NKAIN2: variants seen among roughly 807,000 people sequenced by gnomAD.
The protein encoded by NKAIN2 is sodium/potassium transporting ATPase interacting 2, also known as sodium/potassium-transporting ATPase subunit beta-1-interacting protein 2.
In NKAIN2, 14 loss-of-function variants were observed where a neutral mutation model predicts 32.6. The ratio of observed to expected loss-of-function variants is 0.43; its 90% CI spans 0.28 to 0.67. The LOEUF is 0.67. Ranked by LOEUF, NKAIN2 falls within the 30% of genes least tolerant of loss-of-function variation. The pLI, the probability that NKAIN2 is intolerant of heterozygous loss-of-function variation, is 0.17. For synonymous variants in NKAIN2, 80 were observed against 87.2 expected, an observed-to-expected ratio of 0.92 and a Z score of 0.46; for missense variants, 198 against 258.3, an observed-to-expected ratio of 0.77 and a Z score of 1.60.
chr6:123,979,375 A>G (rs945260579), intron 1 of NKAIN2, among the ~76,000 whole-genome samples: 3 of 152,180 alleles, frequency 2.0e-5, no homozygotes, highest in African/African-American at 7.2e-5. Flanking sequence ...AAGGATGTGC[A>G]CAAACATTGT....
intron 4 of NKAIN2, among the ~76,000 whole-genome samples, chr6:124,727,180 AC>A (rs1776371532): frequency 6.6e-6 from 1 of 151,062 alleles, no homozygotes; most frequent in African/African-American, 2.4e-5. Flanking sequence ...AGGCAGGCCA[AC>A]GTTCAGATTC....
chr6:124,617,883 T>A (rs376633620), intron 3 of NKAIN2, among the ~76,000 whole-genome samples: 151 of 152,328 alleles, frequency 9.9e-4, no homozygotes, highest in African/African-American at 3.6e-3. Context: ...AATAACCAGT[T>A]GAATCTAGAC....
At chr6:123,894,820 G>T (rs1240206193) in intron 1 of NKAIN2, among the ~76,000 whole-genome samples, 5 of 152,068 alleles carry the variant, frequency 3.3e-5, no homozygotes, top group Non-Finnish European at 7.4e-5. Flanking sequence ...GCAATCAAAA[G>T]CCATGGCAAC....
At chr6:124,398,094 C>T (rs371457) in intron 3 of NKAIN2, among the ~76,000 whole-genome samples, 1 of 151,024 alleles carries the variant, frequency 6.6e-6, no homozygotes, top group African/African-American at 2.4e-5. Context: ...TGTACTAAAA[C>T]TACAAAAAAT....
chr6:124,397,108 A>G (rs1003070616), intron 3 of NKAIN2, among the ~76,000 whole-genome samples: 3 of 152,226 alleles, frequency 2.0e-5, no homozygotes, highest in African/African-American at 7.2e-5. Flanking sequence ...CATATCTCTG[A>G]TATAATTATT....
At position 124,726,012 on chromosome 6, in the gene NKAIN2, C is replaced by T. The variant is rs184301678; in HGVS notation, c.475-65327C>T. Among the ~76,000 whole-genome samples, 87 of 152,322 alleles carry T rather than the reference C, an allele frequency of 5.7e-4. 2 individuals carry two copies. In the East Asian group the frequency reaches 0.013, roughly 22 times the overall value. On this transcript the variant is annotated intron_variant, in intron 4 of 6. Coordinates refer to ENST00000368417, the MANE Select transcript of NKAIN2 (RefSeq NM_001040214.3). ...GCGCTTTTCCGACGGGCTTAAAAAA[C>T]GGCACACCACCAGATTATATCCTGC...
chr6:124,226,260 T>G (rs1294736205), intron 1 of NKAIN2, among the ~76,000 whole-genome samples: 1 of 152,092 alleles, frequency 6.6e-6, no homozygotes, highest in African/African-American at 2.4e-5. Context: ...CTTCTTATGC[T>G]TGGATATATT....
At chr6:124,349,927 C>T (rs1320282562) in intron 2 of NKAIN2, among the ~76,000 whole-genome samples, 6 of 152,296 alleles carry the variant, frequency 3.9e-5, no homozygotes, top group African/African-American at 1.4e-4. Flanking sequence ...GATGGTTCAC[C>T]TGGTGCTTCA....
intron 1 of NKAIN2, among the ~76,000 whole-genome samples, chr6:124,018,672 G>A (rs1582938176): frequency 1.3e-5 from 2 of 152,100 alleles, no homozygotes; most frequent in Non-Finnish European, 2.9e-5. Context: ...TCCATCTGAG[G>A]CACCTCAACC....
At chr6:124,389,208 A>G (rs1773039534) in intron 3 of NKAIN2, among the ~76,000 whole-genome samples, 1 of 152,094 alleles carries the variant, frequency 6.6e-6, no homozygotes, top group African/African-American at 2.4e-5. Context: ...TATACACAAC[A>G]TTATTGGAAT....
At chr6:124,006,654 CTT>C (rs1310242226) in intron 1 of NKAIN2, among the ~76,000 whole-genome samples, 1 of 152,094 alleles carries the variant, frequency 6.6e-6, no homozygotes, top group African/African-American at 2.4e-5. Flanking sequence ...TTCTAGTGCT[CTT>C]GTCTACTAAT....
At chr6:124,171,888 C>T (rs1460062342) in intron 1 of NKAIN2, among the ~76,000 whole-genome samples, 3 of 144,548 alleles carry the variant, frequency 2.1e-5, no homozygotes, top group Admixed American at 7.1e-5. Flanking sequence ...GCTCTGTCGC[C>T]CAGGATGGAG....
chr6:124,344,843 G>T (rs1798324310), intron 2 of NKAIN2, among the ~76,000 whole-genome samples: 1 of 152,040 alleles, frequency 6.6e-6, no homozygotes, highest in African/African-American at 2.4e-5. Context: ...CTGCCTGATT[G>T]CCCTGGCCAG....
chr6:124,208,658 C>T (rs1791017690), intron 1 of NKAIN2, among the ~76,000 whole-genome samples: 1 of 151,288 alleles, frequency 6.6e-6, no homozygotes, highest in Admixed American at 6.6e-5. Context: ...TTTTATCCTA[C>T]ATAAACTGTA....
At chr6:124,032,972 T>C (rs1781468735) in intron 1 of NKAIN2, among the ~76,000 whole-genome samples, 1 of 152,056 alleles carries the variant, frequency 6.6e-6, no homozygotes. Context: ...TAAAGTGCCA[T>C]TGATTAACAA....
intron 1 of NKAIN2, among the ~76,000 whole-genome samples, chr6:124,207,186 G>C (rs1047367104): frequency 2.6e-5 from 4 of 151,686 alleles, no homozygotes; most frequent in South Asian, 2.1e-4. Context: ...CAGCTACTTG[G>C]GGGGCTGAGG....
intron 1 of NKAIN2, among the ~76,000 whole-genome samples, chr6:123,904,153 C>A (rs112074928): frequency 0.042 from 6,406 of 151,796 alleles, 446 homozygotes; most frequent in African/African-American, 0.15. Flanking sequence ...ATTGCTTGAA[C>A]CTGGGAGGCG....
At chr6:124,542,303 A>G (rs775274097) in intron 3 of NKAIN2, among the ~76,000 whole-genome samples, 67 of 152,182 alleles carry the variant, frequency 4.4e-4, no homozygotes, top group Admixed American at 2.9e-3. Flanking sequence ...CAAGGAAGAG[A>G]AAGTCTGGTG....
chr6:124,386,522 T>A (rs1277651435), intron 3 of NKAIN2, among the ~76,000 whole-genome samples: 2 of 152,180 alleles, frequency 1.3e-5, no homozygotes, highest in Non-Finnish European at 2.9e-5. Flanking sequence ...CTTCAGGATC[T>A]TCATTCCACT....
Sources: gnomAD v4.1 joint callset for allele counts (sites outside exome capture counted in the v4.1 genomes callset) on GRCh38, gnomAD v4.1.1 for gene constraint, MANE v1.5 for transcripts, NCBI Gene and HGNC (gene_info 2026-07-23, HGNC 2026-07-21) for gene names.